Variants in MYOF observed in about 807,000 individuals in gnomAD.
MYOF encodes fer-1-like 3, myoferlin.
In MYOF, 244 loss-of-function variants were observed where a neutral mutation model predicts 284.2. That is an observed-to-expected ratio of 0.86 (90% confidence interval 0.77 to 0.95). MYOF has a LOEUF of 0.95. Ranked by LOEUF, MYOF falls within the 40% of genes least tolerant of loss-of-function variation. MYOF has a pLI of 0.00. For synonymous variants in MYOF, 904 were observed against 919.7 expected, an observed-to-expected ratio of 0.98 and a Z score of 0.31; for missense variants, 2,496 against 2,560.6, an observed-to-expected ratio of 0.97 and a Z score of 0.54.
chr10:93,398,537 C>T (rs1006480646), intron 13 of MYOF, among the ~76,000 whole-genome samples: 1 of 152,128 alleles, frequency 6.6e-6, no homozygotes, highest in Non-Finnish European at 1.5e-5. Context: ...CTCAACAATC[C>T]TGTGATTGTT....
rs199664834 is a variant in MYOF, at chr10:93,310,117, T to C, written c.6050A>G (p.Lys2017Arg). Residue 2017 changes from lysine (K) to arginine (R), a missense_variant, in exon 53 of 54, where the codon AAG (lysine) becomes AGG (arginine). Lys to Arg is a conservative substitution (Grantham distance 26, BLOSUM62 2). Coordinates refer to ENST00000359263, the MANE Select transcript of MYOF (RefSeq NM_013451.4). Reference protein sequence around the residue: ...LWFTNPCKTMKFIVWRRFKWV... With the variant: ...LWFTNPCKTMRFIVWRRFKWV... ...CTTAAAGCGGCGCCACACGATGAACTTCATGGTCTTGCATGGGTTGGTGAA... is the reference window on the plus strand; with the variant it reads ...CTTAAAGCGGCGCCACACGATGAACCTCATGGTCTTGCATGGGTTGGTGAA... 3 of 1,614,112 alleles carry C rather than the reference T, an allele frequency of 1.9e-6. No homozygotes were observed. The highest frequency in any genetic ancestry group is 1.3e-5 in the African/African-American group (1 of 74,996).
chr10:93,378,693 G>GTGTATATATATATA, intron 21 of MYOF, among the ~76,000 whole-genome samples: 27 of 87,890 alleles, frequency 3.1e-4, no homozygotes, highest in East Asian at 1.6e-3. Flanking sequence ...GTGTGTGTGT[G>GTGTATATATATATA]TATATATATA....
Position 93,319,954 on chromosome 10 carries a change from T to C in MYOF, c.5516A>G (p.Asp1839Gly). ...TCGCCAGTTAAAATTCCCTTCACCA[T>C]CCAAAGATCTGTAATGGACATCTGT... is the stretch of plus-strand genomic sequence containing the variant. ...QKTDVHYRSLDGEGNFNWRFV... is the reference protein window; with the variant it reads ...QKTDVHYRSLGGEGNFNWRFV... The change falls in exon 49 of 54, where the codon GAT becomes GGT. Residue 1839 changes from aspartate to glycine, a missense_variant. Asp to Gly is a moderately conservative substitution (Grantham distance 94, BLOSUM62 -1). Transcript: ENST00000359263. 1 of 1,614,174 alleles carries C rather than the reference T, an allele frequency of 6.2e-7. No homozygotes were observed. The highest frequency in any genetic ancestry group is 8.5e-7 in the Non-Finnish European group (1 of 1,180,012).
intron 5 of MYOF, among the ~76,000 whole-genome samples, chr10:93,413,352 G>A (rs1359778281): frequency 6.6e-6 from 1 of 152,214 alleles, no homozygotes; most frequent in Non-Finnish European, 1.5e-5. Context: ...TCCCCTTTAT[G>A]TGGCAGGAAG....
intron 45 of MYOF, among the ~76,000 whole-genome samples, chr10:93,327,121 C>T (rs1286018721): frequency 2.0e-5 from 3 of 152,060 alleles, no homozygotes; most frequent in Non-Finnish European, 4.4e-5. Flanking sequence ...GGGACCCTCA[C>T]TCTGGGGGAC....
At chr10:93,425,407 C>G (rs1222135042) in intron 5 of MYOF, among the ~76,000 whole-genome samples, 1 of 152,134 alleles carries the variant, frequency 6.6e-6, no homozygotes, top group African/African-American at 2.4e-5. Context: ...GGGGGTCCGA[C>G]TCAGCTGCAT....
At chr10:93,346,258 TCAGAC>T (rs1844179713) in intron 37 of MYOF, among the ~76,000 whole-genome samples, 2 of 152,194 alleles carry the variant, frequency 1.3e-5, no homozygotes, top group Non-Finnish European at 2.9e-5. Context: ...GGATGCTTAG[TCAGAC>T]CTACACAGCA....
At position 93,316,739 on chromosome 10, in the gene MYOF, G is replaced by A. The variant is rs199932190; in HGVS notation, c.5673C>T (p.Asp1891=). ...PRLIIQIWDN[D]KFSLDDYLGF... is the part of the protein sequence containing the mutation. The stretch of plus-strand genomic sequence containing the variant: ...CCAAGTAGTCATCCAGAGAAAACTT[G>A]TCATTGTCCCATATCTGAATGATCA... Residue 1891 remains aspartate, a synonymous_variant, in exon 50 of 54, where the codon GAC becomes GAT. Coordinates refer to ENST00000359263, the MANE Select transcript of MYOF (RefSeq NM_013451.4). 21 of 1,613,872 alleles carry A rather than the reference G, an allele frequency of 1.3e-5. No individual in the cohort carries two copies. In the Middle Eastern group the frequency reaches 5.0e-4, roughly 38 times the overall value.
intron 51 of MYOF, among the ~76,000 whole-genome samples, chr10:93,311,446 C>T (rs1452784228): frequency 8.9e-6 from 1 of 112,970 alleles, no homozygotes; most frequent in Admixed American, 9.9e-5. Context: ...CCCATCTCTA[C>T]TAAAAATACA....
chr10:93,453,891 G>GA lies in MYOF; in HGVS notation c.145-1751dup, dbSNP rs1170364244. On this transcript the variant is annotated intron_variant, in intron 2 of 53. Coordinates refer to ENST00000359263, the MANE Select transcript of MYOF (RefSeq NM_013451.4). ...CAGAGGAAGACCCTGTCTCAAAAAA[G>GA]AAAAAAAAGAGCCGGGCGCAGTGGC... Among the ~76,000 whole-genome samples the GA allele has an allele frequency of 1.1e-4, 16 of 150,498 alleles. 1 individual carries two copies. Among genetic ancestry groups the GA allele is most frequent in the Non-Finnish European group, 1.9e-4 (13 of 67,678 alleles).
chr10:93,386,322 T>C (rs1846362819), intron 19 of MYOF, among the ~76,000 whole-genome samples: 1 of 152,330 alleles, frequency 6.6e-6, no homozygotes, highest in South Asian at 2.1e-4. Flanking sequence ...TCAAGATCTA[T>C]TGCAATTCCT....
intron 1 of MYOF, among the ~76,000 whole-genome samples, chr10:93,457,824 C>A (rs1010697999): frequency 6.6e-6 from 1 of 151,024 alleles, no homozygotes; most frequent in African/African-American, 2.4e-5. Context: ...ACCTCTGCCT[C>A]CCAGCTCAAG....
chr10:93,354,027 A>C, intron 31 of MYOF, 139 bp from the exon 32 acceptor site: 1 of 618,310 alleles, frequency 1.6e-6, no homozygotes. Flanking sequence ...TAAAGAGCAC[A>C]TAGAATAGTG....
chr10:93,432,745 A>G (rs890955189), intron 3 of MYOF, among the ~76,000 whole-genome samples: 2 of 152,176 alleles, frequency 1.3e-5, no homozygotes, highest in Admixed American at 1.3e-4. Flanking sequence ...ATATTGGTAC[A>G]GAAGTACCCT....
intron 27 of MYOF, 150 bp downstream of exon 27, chr10:93,363,811 T>C: frequency 1.7e-6 from 1 of 581,298 alleles, no homozygotes; most frequent in Non-Finnish European, 3.0e-6. Context: ...TTGTGGCACT[T>C]GTGTGGCTTA....
chr10:93,331,057 A>G (rs1268345671), intron 43 of MYOF, among the ~76,000 whole-genome samples: 1 of 152,208 alleles, frequency 6.6e-6, no homozygotes, highest in Non-Finnish European at 1.5e-5. Context: ...TCCTGCAATT[A>G]TAACTTTTAA....
At chr10:93,323,692 C>T (rs1842929878) in intron 46 of MYOF, 7 of 306,074 alleles carry the variant, frequency 2.3e-5, no homozygotes, top group Non-Finnish European at 3.6e-5. Flanking sequence ...GGCAGGCACA[C>T]GCACGTGCAC....
chr10:93,409,802 A>G, intron 5 of MYOF, 63 bp from the exon 6 acceptor site: 1 of 1,575,672 alleles, frequency 6.3e-7, no homozygotes, highest in Admixed American at 1.9e-5. Context: ...CCAAAGGCTC[A>G]GGTTTCCAGG....
Position 93,336,045 on chromosome 10 carries a change from A to G in MYOF, c.4439T>C (p.Ile1480Thr). 2.5e-6 allele frequency: 4 copies of G among 1,613,428 alleles called. No homozygotes were observed. The highest frequency in any genetic ancestry group is 2.5e-6 in the Non-Finnish European group (3 of 1,179,750). Residue 1480 changes from isoleucine to threonine, a missense_variant and splice_region_variant, in exon 41 of 54, where the codon ATA (isoleucine) becomes ACA (threonine). By Grantham distance (89) the Ile-to-Thr change is moderately conservative (BLOSUM62 -1). This residue lies in a region of MYOF where 2,436 missense variants were observed against 2,480.7 expected (regional missense o/e 0.98). Coordinates refer to ENST00000359263, the MANE Select transcript of MYOF (RefSeq NM_013451.4). ...TACATTTTCTAGTTCACAATTATAT[A>G]TCTGAAAACCACCAACAGAGTCTTA... Reference protein sequence around the residue: ...YIQKGYSKLKIYNCELENVAE... With the variant: ...YIQKGYSKLKTYNCELENVAE...
Sources: allele counts gnomAD v4.1 joint callset (sites outside exome capture counted in the v4.1 genomes callset), GRCh38; gene constraint gnomAD v4.1.1; regional missense constraint gnomAD v4.1.1; transcripts MANE v1.5; gene names NCBI Gene and HGNC (gene_info 2026-07-23, HGNC 2026-07-21).